Variants in HORMAD2 observed in about 807,000 individuals in gnomAD.
HORMAD2 encodes HORMA domain-containing protein 2.
HORMAD2 carries 45 observed loss-of-function variants against 38.8 expected under a neutral mutation model. That is an observed-to-expected ratio of 1.16 (90% CI 0.91 to 1.49). The LOEUF is 1.49. Among genes scored for constraint, HORMAD2 ranks in the 40% most tolerant of loss-of-function variants. The pLI, the probability that HORMAD2 is intolerant of heterozygous loss-of-function variation, is 0.00. For synonymous variants in HORMAD2, 126 were observed against 122.8 expected (o/e 1.03, Z -0.17); for missense variants, 338 against 367.0 (o/e 0.92, Z 0.65).
intron 10 of HORMAD2, among the ~76,000 whole-genome samples, chr22:30,122,767 T>C (rs145155193): frequency 1.4e-4 from 21 of 152,286 alleles, no homozygotes; most frequent in African/African-American, 4.8e-4. Context: ...AGGTCTCTGA[T>C]CCCTTTATCC....
downstream of HORMAD2, among the ~76,000 whole-genome samples, chr22:30,179,451 G>A (rs1926611253): frequency 6.6e-6 from 1 of 152,180 alleles, no homozygotes; most frequent in South Asian, 2.1e-4. Flanking sequence ...TTCCAGTTTT[G>A]ATAGAGAAGG....
At chr22:30,144,427 T>G (rs1022318551) in intron 10 of HORMAD2, among the ~76,000 whole-genome samples, 82 of 152,360 alleles carry the variant, frequency 5.4e-4, no homozygotes, top group African/African-American at 1.9e-3. Flanking sequence ...ACCTCCATTG[T>G]ATTTGAGCAT....
chr22:30,087,881 T>C (rs1219386172), intron 1 of HORMAD2, among the ~76,000 whole-genome samples: 1 of 152,172 alleles, frequency 6.6e-6, no homozygotes, highest in African/African-American at 2.4e-5. Context: ...CCATGCCAGC[T>C]GCTAGGTAAC....
intron 5 of HORMAD2, among the ~76,000 whole-genome samples, chr22:30,110,681 C>T (rs754980137): frequency 4.1e-4 from 63 of 152,068 alleles, no homozygotes; most frequent in Non-Finnish European, 4.9e-4. Flanking sequence ...CCACCGCACC[C>T]GGCCTCATAT....
chr22:30,128,256 C>T (rs557012927), intron 10 of HORMAD2, among the ~76,000 whole-genome samples: 10 of 152,110 alleles, frequency 6.6e-5, no homozygotes, highest in East Asian at 1.9e-4. Flanking sequence ...GGAAATCTTC[C>T]GCCGTCCCAC....
chr22:30,193,245 A>C, the HORMAD2 span, among the ~76,000 whole-genome samples: 3 of 152,190 alleles, frequency 2.0e-5, no homozygotes, highest in Non-Finnish European at 4.4e-5. Context: ...ACTTGGCAAA[A>C]GAAGGCTATA....
intron 10 of HORMAD2, among the ~76,000 whole-genome samples, chr22:30,140,156 T>TG (rs1351443723): frequency 6.6e-6 from 1 of 151,986 alleles, no homozygotes; most frequent in African/African-American, 2.4e-5. Flanking sequence ...CCCAGCTACT[T>TG]GGGGGGCTGA....
chr22:30,099,088 C>A, intron 3 of HORMAD2, 95 bp downstream of exon 3: 1 of 1,061,134 alleles, frequency 9.4e-7, no homozygotes, highest in Non-Finnish European at 1.3e-6. Context: ...GTGCTAATTC[C>A]AACTTAAGGG....
At chr22:30,107,848 T>C (rs1273463365) in intron 5 of HORMAD2, among the ~76,000 whole-genome samples, 1 of 151,902 alleles carries the variant, frequency 6.6e-6, no homozygotes, top group African/African-American at 2.4e-5. Context: ...AGCATGATTA[T>C]TTCTAGTTAT....
At chr22:30,129,892 A>T (rs1923157311) in intron 10 of HORMAD2, among the ~76,000 whole-genome samples, 1 of 152,174 alleles carries the variant, frequency 6.6e-6, no homozygotes, top group Admixed American at 6.5e-5. Flanking sequence ...TGGAAAGTCC[A>T]GTATGGTAGC....
At chr22:30,093,818 G>A (rs979541449) in intron 1 of HORMAD2, 98 bp from the exon 2 acceptor site, 5 of 565,672 alleles carry the variant, frequency 8.8e-6, no homozygotes, top group Admixed American at 3.7e-5. Flanking sequence ...TTAATTTTTT[G>A]TTTGCTTTTA....
At chr22:30,170,366 G>A (rs780591881) in intron 10 of HORMAD2, among the ~76,000 whole-genome samples, 4 of 152,110 alleles carry the variant, frequency 2.6e-5, no homozygotes, top group South Asian at 2.1e-4. Context: ...AACAAGTACC[G>A]TGCCCTGAAC....
chr22:30,128,268 A>G (rs1044537582), intron 10 of HORMAD2, among the ~76,000 whole-genome samples: 3 of 152,084 alleles, frequency 2.0e-5, no homozygotes, highest in African/African-American at 7.2e-5. Flanking sequence ...CCGTCCCACC[A>G]TCCTATCAAT....
intron 10 of HORMAD2, among the ~76,000 whole-genome samples, chr22:30,159,249 C>T (rs1479511086): frequency 6.6e-6 from 1 of 152,168 alleles, no homozygotes; most frequent in Non-Finnish European, 1.5e-5. Flanking sequence ...TACTGTTTCA[C>T]TCTGCTCTCT....
At chr22:30,136,683 T>C (rs1202738517) in intron 10 of HORMAD2, 1 of 155,904 alleles carries the variant, frequency 6.4e-6, no homozygotes, top group East Asian at 1.8e-4. Context: ...TTAAACAGAT[T>C]CGTGGACCGA....
At position 30,121,768 on chromosome 22, in the gene HORMAD2, A is replaced by G. The variant is rs1485451656; in HGVS notation, c.547A>G (p.Lys183Glu). 6.2e-7 allele frequency: 1 copy of G among 1,612,220 alleles called. No individual in the cohort carries two copies. ...TCCTAATAATGTTGTACTTACTATG[A>G]AACTCCACTACTATAATGCAGGTAG... ...PLPNNVVLTM[K>E]LHYYNAVTPH... The change falls in exon 9 of 11, where the codon AAA becomes GAA. Residue 183 changes from lysine to glutamate, a missense_variant. Transcript: ENST00000336726.
intron 1 of HORMAD2, among the ~76,000 whole-genome samples, chr22:30,088,691 T>C (rs2068629251): frequency 6.6e-6 from 1 of 151,372 alleles, no homozygotes; most frequent in Non-Finnish European, 1.5e-5. Flanking sequence ...TAAAAATTAA[T>C]TTAAAAATTA....
chr22:30,186,293 T>A, the HORMAD2 span, among the ~76,000 whole-genome samples: 1 of 151,886 alleles, frequency 6.6e-6, no homozygotes, highest in Non-Finnish European at 1.5e-5. Context: ...TTTTATATGA[T>A]TTTCAGTGCC....
chr22:30,121,624 C>A lies in HORMAD2; in HGVS notation c.411-8C>A. 6.4e-7 allele frequency: 1 copy of A among 1,558,640 alleles called. No individual in the cohort carries two copies. The highest frequency in any genetic ancestry group is 2.1e-5 in the Admixed American group (1 of 48,108). On this transcript the variant is annotated splice_region_variant and splice_polypyrimidine_tract_variant and intron_variant, in intron 8 of 10. Transcript: ENST00000336726. ...ATGATCAAAAAGTATGCTTTTTTTT[C>A]TGTGTAGTCATAGCAGCAGTACAAG... is the stretch of plus-strand genomic sequence containing the variant.
Sources: allele counts gnomAD v4.1 joint callset (sites outside exome capture counted in the v4.1 genomes callset), GRCh38; gene constraint gnomAD v4.1.1; transcripts MANE v1.5; gene names NCBI Gene and HGNC (gene_info 2026-07-23, HGNC 2026-07-21).